The following DUSP13A variants were observed in gnomAD, a reference collection of about 807,000 sequenced individuals.
DUSP13A encodes the protein dual specificity protein phosphatase 13A.
the DUSP13A span, among the ~76,000 whole-genome samples, chr10:75,107,815 G>T: frequency 1.3e-5 from 2 of 152,110 alleles, no homozygotes; most frequent in Non-Finnish European, 2.9e-5. Context: ...GACCTCAGGC[G>T]ATCCACCCAC....
the DUSP13A span, chr10:75,109,043 C>T: frequency 1.2e-6 from 2 of 1,611,830 alleles, no homozygotes; most frequent in South Asian, 2.2e-5. Context: ...CAAACTTCGT[C>T]CACACGGCTG....
At chr10:75,109,152 A>C in the DUSP13A span, 1 of 1,589,560 alleles carries the variant, frequency 6.3e-7, no homozygotes, top group Non-Finnish European at 8.6e-7. Context: ...GAGAGGTCTC[A>C]GCCATGGGCC....
the DUSP13A span, chr10:75,108,929 C>T: frequency 2.0e-6 from 3 of 1,506,022 alleles, no homozygotes; most frequent in Non-Finnish European, 2.7e-6. Context: ...CTTGTTTCCA[C>T]CCTCCTGTGT....
the DUSP13A span, among the ~76,000 whole-genome samples, chr10:75,106,725 T>G: frequency 1.3e-5 from 2 of 152,234 alleles, no homozygotes; most frequent in African/African-American, 4.8e-5. Context: ...TCCTGCTTCT[T>G]AAAGTCTGGA....
At chr10:75,108,916 C>T in the DUSP13A span, 5 of 1,484,550 alleles carry the variant, frequency 3.4e-6, no homozygotes, top group Non-Finnish European at 3.6e-6. Context: ...AGAGCTATTT[C>T]TCCTTGTTTC....
the DUSP13A span, chr10:75,108,152 G>A: frequency 1.5e-5 from 24 of 1,612,810 alleles, no homozygotes; most frequent in South Asian, 1.2e-4. Flanking sequence ...TGTGGGCGGC[G>A]TTCAGCACGT....
At chr10:75,105,895 C>A in the DUSP13A span, 1 of 1,540,668 alleles carries the variant, frequency 6.5e-7, no homozygotes, top group Non-Finnish European at 8.8e-7. Context: ...GGTGAAAAAC[C>A]CTGTCCCACA....
At chr10:75,108,904 G>C in the DUSP13A span, 1 of 1,442,948 alleles carries the variant, frequency 6.9e-7, no homozygotes, top group South Asian at 1.4e-5. Flanking sequence ...GATGGTCAGA[G>C]CAGAGCTATT....
the DUSP13A span, among the ~76,000 whole-genome samples, chr10:75,107,288 G>A: frequency 6.6e-6 from 1 of 151,768 alleles, no homozygotes; most frequent in African/African-American, 2.4e-5. Flanking sequence ...CCAGGAGGCG[G>A]AGGAGCAGAG....
the DUSP13A span, chr10:75,105,851 A>G: frequency 6.4e-7 from 1 of 1,550,402 alleles, no homozygotes; most frequent in Non-Finnish European, 8.7e-7. Context: ...CCCACCACAC[A>G]GTGCACCAGG....
At chr10:75,107,477 G>C in the DUSP13A span, among the ~76,000 whole-genome samples, 1 of 152,218 alleles carries the variant, frequency 6.6e-6, no homozygotes, top group Non-Finnish European at 1.5e-5. Context: ...TCAGCCTCAG[G>C]GTTGCTCCTA....
the DUSP13A span, chr10:75,105,781 A>G: frequency 1.3e-6 from 2 of 1,551,344 alleles, no homozygotes; most frequent in Non-Finnish European, 1.7e-6. Flanking sequence ...CGCCTGGCGC[A>G]GGGACAGCCG....
the DUSP13A span, chr10:75,108,273 C>A: frequency 6.5e-7 from 1 of 1,526,922 alleles, no homozygotes; most frequent in South Asian, 1.3e-5. Flanking sequence ...GAGGCTGTGC[C>A]TGGCCCCCTG....
At chr10:75,108,660 G>A in the DUSP13A span, among the ~76,000 whole-genome samples, 1 of 152,188 alleles carries the variant, frequency 6.6e-6, no homozygotes, top group Non-Finnish European at 1.5e-5. Flanking sequence ...ATCCAGAGGA[G>A]GGAGGCTGGG....
At chr10:75,106,907 G>C in the DUSP13A span, among the ~76,000 whole-genome samples, 1 of 152,238 alleles carries the variant, frequency 6.6e-6, no homozygotes, top group African/African-American at 2.4e-5. Context: ...TCCAGAAAGG[G>C]ACACTGGCTT....
chr10:75,107,920 G>C, the DUSP13A span: 2 of 1,486,966 alleles, frequency 1.3e-6, no homozygotes, highest in Non-Finnish European at 1.8e-6. Context: ...GGGCACTGAT[G>C]ACTGAGAGGA....
At chr10:75,107,649 T>C in the DUSP13A span, among the ~76,000 whole-genome samples, 1 of 152,094 alleles carries the variant, frequency 6.6e-6, no homozygotes, top group Non-Finnish European at 1.5e-5. Context: ...TGATCTCGGC[T>C]CACTGCAACC....
At chr10:75,105,944 C>T in the DUSP13A span, 1 of 1,372,316 alleles carries the variant, frequency 7.3e-7, no homozygotes, top group East Asian at 2.5e-5. Flanking sequence ...GACCCAAGTT[C>T]CTTTCCTGAC....
chr10:75,108,092 G>T, the DUSP13A span: 16 of 1,613,888 alleles, frequency 9.9e-6, no homozygotes, highest in Non-Finnish European at 1.4e-5. Context: ...CCCCCAGGTA[G>T]CTCACACTGC....
Sources: gnomAD v4.1 joint callset for allele counts (sites outside exome capture counted in the v4.1 genomes callset) on GRCh38, gnomAD v4.1.1 for gene constraint, MANE v1.5 for transcripts, NCBI Gene and HGNC (gene_info 2026-07-23, HGNC 2026-07-21) for gene names.